Variants in LARGE1 observed in about 807,000 individuals in gnomAD.
The protein encoded by LARGE1 is LARGE xylosyl- and glucuronyltransferase 1.
Under a neutral mutation model 87.6 loss-of-function variants are expected in LARGE1, and 43 were observed. The ratio of observed to expected loss-of-function variants is 0.49; its 90% confidence interval spans 0.38 to 0.63. LARGE1 has a LOEUF of 0.63. Among genes scored for constraint, LARGE1 ranks in the 30% least tolerant of loss-of-function variants. LARGE1 has a pLI of 0.00. For missense variants in LARGE1, 802 were observed against 1,000.2 expected (o/e 0.80, Z 2.67); for synonymous variants, 434 against 394.6 (o/e 1.10, Z -1.18).
intron 1 of LARGE1, among the ~76,000 whole-genome samples, chr22:33,878,767 A>G (rs994555863): frequency 6.6e-6 from 1 of 152,172 alleles, no homozygotes; most frequent in Non-Finnish European, 1.5e-5. Context: ...TCACCCCAGG[A>G]AAGACTCCAG....
At chr22:33,579,503 T>G (rs1569286905) in intron 5 of LARGE1, among the ~76,000 whole-genome samples, 1 of 152,160 alleles carries the variant, frequency 6.6e-6, no homozygotes, top group African/African-American at 2.4e-5. Context: ...ATTTGTACAT[T>G]ACGGAGGGTC....
chr22:33,511,427 T>C (rs772800901), intron 6 of LARGE1, among the ~76,000 whole-genome samples: 3 of 152,200 alleles, frequency 2.0e-5, no homozygotes, highest in Non-Finnish European at 2.9e-5. Flanking sequence ...GAGGGGGGAT[T>C]CAGCTTTGCA....
At chr22:33,442,922 A>G (rs1032871265) in intron 6 of LARGE1, among the ~76,000 whole-genome samples, 7 of 151,820 alleles carry the variant, frequency 4.6e-5, no homozygotes, top group African/African-American at 1.7e-4. Flanking sequence ...CCTCCCGAGT[A>G]GCTGGGACTA....
chr22:33,797,437 C>T (rs969704879), intron 1 of LARGE1, among the ~76,000 whole-genome samples: 1 of 152,152 alleles, frequency 6.6e-6, no homozygotes, highest in Non-Finnish European at 1.5e-5. Context: ...TTGTGTAAAA[C>T]CATCGTGTTA....
intron 13 of LARGE1, among the ~76,000 whole-genome samples, chr22:33,282,494 C>G (rs559101678): frequency 6.6e-6 from 1 of 152,322 alleles, no homozygotes; most frequent in South Asian, 2.1e-4. Context: ...ATGCTGCAGC[C>G]TGTCCCCAGG....
intron 2 of LARGE1, among the ~76,000 whole-genome samples, chr22:33,652,782 G>A (rs1266954214): frequency 6.6e-6 from 1 of 152,030 alleles, no homozygotes; most frequent in African/African-American, 2.4e-5. Flanking sequence ...CTCTGCCCAG[G>A]GCTTTTTGAT....
At chr22:33,623,259 T>C (rs1215308863) in intron 4 of LARGE1, among the ~76,000 whole-genome samples, 1 of 152,058 alleles carries the variant, frequency 6.6e-6, no homozygotes, top group Non-Finnish European at 1.5e-5. Flanking sequence ...TGCCTGGTTT[T>C]AAGCCACAGG....
At chr22:33,324,276 A>G (rs1232817585) in intron 10 of LARGE1, among the ~76,000 whole-genome samples, 4 of 132,044 alleles carry the variant, frequency 3.0e-5, no homozygotes, top group Non-Finnish European at 6.6e-5. Context: ...AAACAAAAAC[A>G]AAAAGCCAAA....
chr22:33,158,498 T>C (rs894862888), downstream of LARGE1, among the ~76,000 whole-genome samples: 1 of 152,164 alleles, frequency 6.6e-6, no homozygotes, highest in African/African-American at 2.4e-5. Context: ...TATTATAACA[T>C]CTTCCCTCTA....
chr22:33,743,903 T>C (rs2083981437), intron 2 of LARGE1: 1 of 152,190 alleles, frequency 6.6e-6, no homozygotes, highest in African/African-American at 2.4e-5. Context: ...ACAAGGCTGT[T>C]GTGGAGATTC....
In LARGE1 at chr22:33,192,828, C is replaced by T. The variant is rs145796427; in HGVS notation, c.1731-25996G>A. Among the ~76,000 whole-genome samples, 1,220 of 152,242 alleles carry T rather than the reference C, an allele frequency of 8.0e-3. 56 individuals carry two copies. The South Asian group carries it at 0.12, about 15-fold the overall frequency. On this transcript the variant is annotated intron_variant, in intron 11 of 11. Transcript: ENST00000608642. ...CTTACATTTAAGACCTTAATTCATT[C>T]TGAGCTGATTTTTGTGTATGGGGTG...
chr22:33,389,062 T>C (rs959831007), intron 7 of LARGE1, among the ~76,000 whole-genome samples: 2 of 152,214 alleles, frequency 1.3e-5, no homozygotes, highest in African/African-American at 4.8e-5. Context: ...CTGGGTGGCC[T>C]GGGCTAGGAC....
At chr22:33,654,797 G>A (rs147479264) in intron 2 of LARGE1, among the ~76,000 whole-genome samples, 218 of 152,304 alleles carry the variant, frequency 1.4e-3, no homozygotes, top group African/African-American at 4.9e-3. Flanking sequence ...AACTACCAGT[G>A]GTGAAGACAG....
chr22:33,137,532 A>G, the LARGE1 span, among the ~76,000 whole-genome samples: 1 of 152,228 alleles, frequency 6.6e-6, no homozygotes, highest in Non-Finnish European at 1.5e-5. Context: ...GGCTGCAGAA[A>G]TTTGCATATG....
chr22:33,505,813 C>T (rs568039641), intron 6 of LARGE1, among the ~76,000 whole-genome samples: 1 of 152,320 alleles, frequency 6.6e-6, no homozygotes, highest in Admixed American at 6.5e-5. Context: ...ATTCCTGTCA[C>T]TTGCAATCAG....
intron 6 of LARGE1, among the ~76,000 whole-genome samples, chr22:33,551,699 C>A (rs1369569224): frequency 6.6e-6 from 1 of 152,138 alleles, no homozygotes; most frequent in African/African-American, 2.4e-5. Context: ...ACTCACTCAC[C>A]CTCTTTGTCC....
intron 6 of LARGE1, among the ~76,000 whole-genome samples, chr22:33,469,886 CTT>C (rs537465362): frequency 3.4e-5 from 4 of 117,012 alleles, no homozygotes; most frequent in Admixed American, 1.9e-4. Flanking sequence ...TATGTTTACT[CTT>C]TTTTTTTTTT....
intron 2 of LARGE1, among the ~76,000 whole-genome samples, chr22:33,705,089 C>T (rs1263971723): frequency 1.3e-5 from 2 of 152,176 alleles, no homozygotes; most frequent in Non-Finnish European, 2.9e-5. Context: ...CACCATGGTG[C>T]ACCCCATAAA....
chr22:33,514,305 C>CACACAT (rs397818298), intron 6 of LARGE1, among the ~76,000 whole-genome samples: 2 of 151,748 alleles, frequency 1.3e-5, no homozygotes, highest in African/African-American at 4.8e-5. Context: ...CACACACACA[C>CACACAT]GATGATGCAC....
Sources: gnomAD v4.1 joint callset for allele counts (sites outside exome capture counted in the v4.1 genomes callset) on GRCh38, gnomAD v4.1.1 for gene constraint, MANE v1.5 for transcripts, NCBI Gene and HGNC (gene_info 2026-07-23, HGNC 2026-07-21) for gene names.